Variants in STN1 observed in about 807,000 individuals in gnomAD.
The protein encoded by STN1 is CST complex subunit STN1.
STN1 carries 29 observed loss-of-function variants against 45.5 expected under a neutral mutation model. The ratio of observed to expected loss-of-function variants is 0.64; its 90% CI spans 0.47 to 0.87. The LOEUF (loss-of-function observed/expected upper bound fraction) is 0.87. Ranked by LOEUF, STN1 falls within the 40% of genes least tolerant of loss-of-function variation. The pLI is 0.00. For missense variants in STN1, 376 were observed against 441.4 expected, an observed-to-expected ratio of 0.85 and a Z score of 1.33; for synonymous variants, 148 against 159.0, an observed-to-expected ratio of 0.93 and a Z score of 0.52.
At position 103,899,016 on chromosome 10, in the gene STN1, A is replaced by G. The variant is rs1417319596; in HGVS notation, c.458-16T>C. 5 of 1,612,688 alleles carry G rather than the reference A, an allele frequency of 3.1e-6. No individual in the cohort carries two copies. Among genetic ancestry groups the G allele is most frequent in the Non-Finnish European group, 4.2e-6 (5 of 1,179,344 alleles). On this transcript the variant is annotated splice_polypyrimidine_tract_variant and intron_variant, in intron 5 of 9. Coordinates refer to ENST00000224950, the MANE Select transcript of STN1 (RefSeq NM_024928.5). ...TCCACTTTATCTAACAAGTGACCAG[A>G]AAAAAGATGCTACAGAAATTACAAA... is the stretch of plus-strand genomic sequence containing the variant.
chr10:103,917,664 G>A lies in STN1; in HGVS notation c.-62-8C>T. On this transcript the variant is annotated splice_region_variant and splice_polypyrimidine_tract_variant and intron_variant, in intron 1 of 9. Coordinates refer to ENST00000224950, the MANE Select transcript of STN1 (RefSeq NM_024928.5). ...CATCACTGAGTCAAGCATCTAGATG[G>A]GACACAGAAATGAGGATGCAATGCG... 3 of 1,543,620 alleles carry A rather than the reference G, an allele frequency of 1.9e-6. No individual in the cohort carries two copies. The highest frequency in any genetic ancestry group is 2.6e-6 in the Non-Finnish European group (3 of 1,136,342).
At chr10:103,894,833 A>G (rs1843161439) in intron 7 of STN1, among the ~76,000 whole-genome samples, 1 of 152,106 alleles carries the variant, frequency 6.6e-6, no homozygotes. Context: ...AACAAACTCA[A>G]CATTCATCCA....
chr10:103,903,179 T>C (rs1033983710), intron 4 of STN1, among the ~76,000 whole-genome samples: 17 of 152,208 alleles, frequency 1.1e-4, no homozygotes, highest in African/African-American at 3.4e-4. Flanking sequence ...GCTTATGTAC[T>C]ACCTATGGTT....
chr10:103,917,258 TAAAA>T (rs5787502), intron 2 of STN1, among the ~76,000 whole-genome samples, 200 bp downstream of exon 2: 2,015 of 90,686 alleles, frequency 0.022, 60 homozygotes, highest in African/African-American at 0.075. Context: ...AAACACCTAC[TAAAA>T]AAAAAAAAAA....
Position 103,882,517 on chromosome 10 carries a change from CCAA to C in STN1, c.*164_*166del. ...CAAGGACATAGTGGACAGAAGGGAG[CCAA>C]CAACATTTATGCCAAATCCCATTCC... On this transcript the variant is annotated 3_prime_UTR_variant, in exon 10 of 10. Coordinates refer to ENST00000224950, the MANE Select transcript of STN1 (RefSeq NM_024928.5). 2 of 648,944 alleles carry C rather than the reference CCAA, an allele frequency of 3.1e-6. No homozygotes were observed. Among genetic ancestry groups the C allele is most frequent in the Non-Finnish European group, 5.0e-6 (2 of 398,096 alleles). 40.2% of individuals were successfully genotyped at this position (648,944 alleles called of 1,614,324 possible).
chr10:103,915,706 C>G (rs1843326301), intron 2 of STN1, among the ~76,000 whole-genome samples: 1 of 152,050 alleles, frequency 6.6e-6, no homozygotes, highest in Non-Finnish European at 1.5e-5. Flanking sequence ...AAACAAAAAC[C>G]TAGGAGTGGA....
chr10:103,892,490 T>A (rs938546117), intron 7 of STN1, among the ~76,000 whole-genome samples: 42 of 151,864 alleles, frequency 2.8e-4, no homozygotes, highest in Non-Finnish European at 5.1e-4. Flanking sequence ...TTTTTTTTTT[T>A]AATGAACTCA....
chr10:103,900,124 A>G lies in STN1; in HGVS notation c.395T>C (p.Ile132Thr), dbSNP rs1843198482. The change falls in exon 5 of 10, where the codon ATC becomes ACC. Residue 132 changes from isoleucine (I) to threonine (T), a missense_variant. Physicochemically the swap from Ile to Thr is moderately conservative, Grantham distance 89. Transcript: ENST00000224950. ...TGTGCGGATACTGCCTCTGACTCGG[A>G]TCGTGTCCCCGATCTCTATCTTTGT... is the stretch of plus-strand genomic sequence containing the variant. ...QKTKIEIGDT[I>T]RVRGSIRTYR... 6.2e-7 allele frequency: 1 copy of G among 1,614,168 alleles called. No homozygotes were observed. The highest frequency in any genetic ancestry group is 8.5e-7 in the Non-Finnish European group (1 of 1,180,022).
At chr10:103,915,470 C>T (rs1843325251) in intron 2 of STN1, among the ~76,000 whole-genome samples, 1 of 152,180 alleles carries the variant, frequency 6.6e-6, no homozygotes, top group African/African-American at 2.4e-5. Flanking sequence ...AATGATGACG[C>T]TCCTATCACT....
chr10:103,892,949 G>A (rs1292441663), intron 7 of STN1, among the ~76,000 whole-genome samples: 1 of 152,162 alleles, frequency 6.6e-6, no homozygotes, highest in African/African-American at 2.4e-5. Context: ...TATCAGCTAT[G>A]TCCCCCCATG....
intron 2 of STN1, among the ~76,000 whole-genome samples, chr10:103,912,181 G>T (rs1843296296): frequency 6.6e-6 from 1 of 151,860 alleles, no homozygotes; most frequent in Admixed American, 6.6e-5. Flanking sequence ...GAGACAAAGT[G>T]GTTCCAGTCT....
intron 4 of STN1, among the ~76,000 whole-genome samples, chr10:103,900,726 A>G (rs778275025): frequency 6.8e-6 from 1 of 147,066 alleles, no homozygotes; most frequent in Non-Finnish European, 1.5e-5. Flanking sequence ...ACACACACAC[A>G]CACACTCTCT....
chr10:103,894,314 ACT>A (rs1317792985), intron 7 of STN1, among the ~76,000 whole-genome samples: 1 of 152,074 alleles, frequency 6.6e-6, no homozygotes, highest in African/African-American at 2.4e-5. Flanking sequence ...TTTAAAAATG[ACT>A]CTTGGTTATC....
At chr10:103,895,074 G>A (rs1433876903) in intron 7 of STN1, among the ~76,000 whole-genome samples, 1 of 152,160 alleles carries the variant, frequency 6.6e-6, no homozygotes, top group African/African-American at 2.4e-5. Context: ...AGTCTCCCAG[G>A]AATCTATTAA....
chr10:103,900,687 ATCTC>A (rs56209197), intron 4 of STN1, among the ~76,000 whole-genome samples: 45,900 of 150,602 alleles, frequency 0.3, 8,019 homozygotes, highest in East Asian at 0.64. Flanking sequence ...AACTAGGCTA[ATCTC>A]TCTGTCTCTC....
intron 6 of STN1, 145 bp downstream of exon 6, chr10:103,898,732 A>G: frequency 1.3e-6 from 1 of 767,810 alleles, no homozygotes; most frequent in Non-Finnish European, 2.1e-6. Flanking sequence ...TGAAGCATAG[A>G]GAGGGTTAGA....
chr10:103,910,560 C>T lies in STN1; in HGVS notation c.196G>A (p.Val66Met), dbSNP rs778728633. ...CTGTAGAAAGCATCTCTTTCTCTCA[C>T]TCCAATGACAGTTCCCAAGACATCT... ...QVDVLGTVIG[V>M]RERDAFYSYG... The change falls in exon 3 of 10, where the codon GTG (valine) becomes ATG (methionine). Residue 66 changes from valine to methionine, a missense_variant. Val to Met is a conservative substitution (Grantham distance 21, BLOSUM62 1). Transcript: ENST00000224950. 3 of 1,609,768 alleles carry T rather than the reference C, an allele frequency of 1.9e-6. No homozygotes were observed. The highest frequency in any genetic ancestry group is 2.2e-5 in the South Asian group (2 of 90,944).
rs145446873 is a variant in STN1 at position 103,904,068 on chromosome 10, T to C, written c.295+1023A>G. Among the ~76,000 whole-genome samples, 277 of 151,420 alleles carry C rather than the reference T, an allele frequency of 1.8e-3. 1 individual carries two copies. The highest frequency in any genetic ancestry group is 6.1e-3 in the African/African-American group (251 of 41,374). ...AGTACAAAGTTGAGATTCTGACACG[T>C]AATGGCAAAAAAGAAGAAACGACTC... On this transcript the variant is annotated intron_variant, in intron 4 of 9. Coordinates refer to ENST00000224950, the MANE Select transcript of STN1 (RefSeq NM_024928.5).
At chr10:103,914,351 TATATATATATATATA>T (rs1318950926) in intron 2 of STN1, among the ~76,000 whole-genome samples, 5 of 15,142 alleles carry the variant, frequency 3.3e-4, no homozygotes, top group Non-Finnish European at 7.1e-4. Context: ...TATATATATA[TATATATATATATATA>T]TATATATATT....
Sources: allele counts gnomAD v4.1 joint callset (sites outside exome capture counted in the v4.1 genomes callset), GRCh38; gene constraint gnomAD v4.1.1; transcripts MANE v1.5; gene names NCBI Gene and HGNC (gene_info 2026-07-23, HGNC 2026-07-21).